Variants in ATP2A3 observed in about 807,000 individuals in gnomAD.
ATP2A3 encodes ATPase sarcoplasmic/endoplasmic reticulum Ca2+ transporting 3.
Under a neutral mutation model 106.8 loss-of-function variants are expected in ATP2A3, and 61 were observed. That is an observed-to-expected ratio of 0.57 (90% CI 0.46 to 0.71). The LOEUF is 0.71. ATP2A3 is among the 30% of genes least tolerant of loss of function. ATP2A3 has a pLI of 0.00. For missense variants in ATP2A3, 1,201 were observed against 1,423.5 expected (o/e 0.84, Z 2.52); for synonymous variants, 611 against 609.3 (o/e 1.00, Z -0.04).
intron 15 of ATP2A3, chr17:3,937,088 A>G (rs1440413997): frequency 4.7e-6 from 2 of 421,392 alleles, no homozygotes; most frequent in Non-Finnish European, 9.0e-6. Flanking sequence ...TCGCACACGG[A>G]CACACACACG....
chr17:3,939,984 G>T (rs567586564), intron 14 of ATP2A3, among the ~76,000 whole-genome samples: 76 of 149,296 alleles, frequency 5.1e-4, no homozygotes, highest in Non-Finnish European at 8.9e-4. Context: ...ACAGAGATGG[G>T]GAAGGCGTGT....
chr17:3,950,647 C>T (rs370938425), intron 6 of ATP2A3, 46 bp downstream of exon 6: 60 of 1,613,634 alleles, frequency 3.7e-5, no homozygotes, highest in Admixed American at 2.2e-4. Context: ...ACGCCCATCC[C>T]TTAGTCCTGG....
At chr17:3,957,421 C>G (rs571561424) in intron 1 of ATP2A3, among the ~76,000 whole-genome samples, 7 of 152,328 alleles carry the variant, frequency 4.6e-5, no homozygotes, top group Admixed American at 6.5e-5. Flanking sequence ...ATCTGAAAAC[C>G]CTTGGTGTCC....
Position 3,953,304 on chromosome 17 carries a change from GGGCTACCGACTACCACAGGATGGCT to G in ATP2A3, c.219+18_219+42del, listed in dbSNP as rs751298910. On this transcript the variant is annotated intron_variant, in intron 3 of 20. Transcript: ENST00000397041. This position sits in a 1 kb window ranked among gnomAD's most constrained non-coding sequence, Gnocchi z 5.1. ...ACTGCCCAGCCTGGCTCTCCCTCCAGGGCTACCGACTACCACAGGATGGCTGGCAGGGCCCTACTTACAAAGGAGA... is the reference window on the plus strand; with the variant it reads ...ACTGCCCAGCCTGGCTCTCCCTCCAGGGCAGGGCCCTACTTACAAAGGAGA... 1.2e-5 allele frequency: 20 copies of G among 1,601,556 alleles called. No homozygotes were observed. Among genetic ancestry groups the G allele is most frequent in the Non-Finnish European group, 1.6e-5 (19 of 1,169,038 alleles).
chr17:3,950,019 G>T (rs1405662586), intron 7 of ATP2A3, among the ~76,000 whole-genome samples: 1 of 151,636 alleles, frequency 6.6e-6, no homozygotes, highest in Non-Finnish European at 1.5e-5. Flanking sequence ...AAAATTAGCC[G>T]GGTGTGGTGG....
chr17:3,929,211 C>T lies in ATP2A3; in HGVS notation c.2862+117G>A. 1.0e-6 allele frequency: 1 copy of T among 996,162 alleles called. No individual in the cohort carries two copies. The allele number at this position is 996,162 out of a possible 1,614,324, so 61.7% of individuals were successfully genotyped here. A position where few individuals can be genotyped will look rare whatever the true frequency, so the allele number is the denominator to read the frequency against. ...CTGGAGGTGGTGGCTGGCCAGACCTCTCACCTCCCTCTCCTCCAGGTAGTT... is the reference window on the plus strand; with the variant it reads ...CTGGAGGTGGTGGCTGGCCAGACCTTTCACCTCCCTCTCCTCCAGGTAGTT... On this transcript the variant is annotated intron_variant, in intron 19 of 20. Coordinates refer to ENST00000397041, the MANE Select transcript of ATP2A3 (RefSeq NM_005173.4). This position sits in a 1 kb window ranked among gnomAD's most constrained non-coding sequence, Gnocchi z 4.3.
intron 1 of ATP2A3, among the ~76,000 whole-genome samples, chr17:3,959,419 C>G (rs576478925): frequency 1.4e-4 from 22 of 152,254 alleles, no homozygotes; most frequent in African/African-American, 3.9e-4. Flanking sequence ...ATGCTGAGTC[C>G]TTACAGTCAT....
intron 1 of ATP2A3, among the ~76,000 whole-genome samples, chr17:3,963,327 G>C (rs113507721): frequency 6.6e-6 from 1 of 152,252 alleles, no homozygotes; most frequent in African/African-American, 2.4e-5. Context: ...CATGAGCAAG[G>C]GGGTGGCAGG....
At position 3,925,384 on chromosome 17, in the gene ATP2A3, T is replaced by C; in HGVS notation, c.*38A>G. ...GGCGAACACATGGGCACCATCAGTC[T>C]GAGGTACACACCGGAGACTCCACTC... On this transcript the variant is annotated 3_prime_UTR_variant, in exon 21 of 21. Transcript: ENST00000397041. This position sits in a 1 kb window ranked among gnomAD's most constrained non-coding sequence, Gnocchi z 4.2. 1 of 1,613,878 alleles carries C rather than the reference T, an allele frequency of 6.2e-7. No homozygotes were observed. The highest frequency in any genetic ancestry group is 8.5e-7 in the Non-Finnish European group (1 of 1,179,924).
At chr17:3,957,820 G>A (rs1158859046) in intron 1 of ATP2A3, among the ~76,000 whole-genome samples, 1 of 152,214 alleles carries the variant, frequency 6.6e-6, no homozygotes, top group African/African-American at 2.4e-5. Context: ...ATGAGAGAGT[G>A]CCCTGGCTCT....
intron 5 of ATP2A3, 31 bp downstream of exon 5, chr17:3,951,220 A>G: frequency 7.5e-7 from 1 of 1,341,984 alleles, no homozygotes; most frequent in Non-Finnish European, 9.6e-7. Flanking sequence ...AATAAAATAA[A>G]ATAAAATAAA....
chr17:3,947,913 C>T lies in ATP2A3; in HGVS notation c.631-58G>A, dbSNP rs1172267810. 14 of 1,541,852 alleles carry T rather than the reference C, an allele frequency of 9.1e-6. No individual in the cohort carries two copies. The East Asian group carries it at 2.5e-4, about 27-fold the overall frequency. ...CAGCAGCCAACCAGGGGCCCAGGACCCCTGACTCCTTCAGGCCGGAATAAG... is the reference window on the plus strand; with the variant it reads ...CAGCAGCCAACCAGGGGCCCAGGACTCCTGACTCCTTCAGGCCGGAATAAG... On this transcript the variant is annotated intron_variant, in intron 7 of 20. Transcript: ENST00000397041. The surrounding 1 kb of genome is among the most constrained non-coding windows in gnomAD (Gnocchi z 7.7).
intron 13 of ATP2A3, 28 bp from the exon 14 acceptor site, chr17:3,941,334 G>A: frequency 3.1e-6 from 5 of 1,613,812 alleles, no homozygotes; most frequent in Non-Finnish European, 3.4e-6. Context: ...ATTCAAGCGG[G>A]GCCTGAGCCC....
rs1317782758 is a variant in ATP2A3 at position 3,926,122 on chromosome 17, C to T, written c.2981-681G>A. Among the ~76,000 whole-genome samples, 2 of 152,154 alleles carry T rather than the reference C, an allele frequency of 1.3e-5. No individual in the cohort carries two copies. Among genetic ancestry groups the T allele is most frequent in the Non-Finnish European group, 2.9e-5 (2 of 68,020 alleles). On this transcript the variant is annotated intron_variant, in intron 20 of 20. Coordinates refer to ENST00000397041, the MANE Select transcript of ATP2A3 (RefSeq NM_005173.4). The surrounding 1 kb of genome is among the most constrained non-coding windows in gnomAD (Gnocchi z 4.6). ...GGTGGGGTGAGAGGACCGCCCCCAG[C>T]CCCCAGGGCTGACCCAGGATCCAGA... is the stretch of plus-strand genomic sequence containing the variant.
At position 3,943,414 on chromosome 17, in the gene ATP2A3, C is replaced by T; in HGVS notation, c.1396G>A (p.Glu466Lys). The change falls in exon 11 of 21, where the codon GAG (glutamate) becomes AAG (lysine). Residue 466 changes from glutamate (E) to lysine (K), a missense_variant. Coordinates refer to ENST00000397041, the MANE Select transcript of ATP2A3 (RefSeq NM_005173.4). ...DTDLQALSRV[E>K]RAGACNTVIK... ...ACCGTGTTACAGGCGCCAGCTCGCT[C>T]CACCCGGGACAGAGCCTGCAGGTCG... 1 of 1,614,134 alleles carries T rather than the reference C, an allele frequency of 6.2e-7. No homozygotes were observed.
chr17:3,948,979 T>C (rs1028641157), intron 7 of ATP2A3, among the ~76,000 whole-genome samples: 10 of 151,840 alleles, frequency 6.6e-5, no homozygotes, highest in Non-Finnish European at 1.0e-4. Context: ...AATACAAAAA[T>C]TAGCTGGGCA....
At chr17:3,961,128 C>G (rs1463547382) in intron 1 of ATP2A3, among the ~76,000 whole-genome samples, 2 of 152,208 alleles carry the variant, frequency 1.3e-5, no homozygotes, top group African/African-American at 4.8e-5. Flanking sequence ...AAGATCACAG[C>G]TCCAGATGTG....
In ATP2A3 at chr17:3,953,513, G is replaced by A. The variant is rs1000666622; in HGVS notation, c.137-84C>T. 44 of 1,539,034 alleles carry A rather than the reference G, an allele frequency of 2.9e-5. No homozygotes were observed. Among genetic ancestry groups the A allele is most frequent in the Admixed American group, 2.1e-4 (12 of 58,470 alleles). Reference sequence around the variant, plus strand: ...GCTGGGATGGCCCGGGAGACCTCCCGGCCCATTCCCTCCCTGCACTCAGAA... The same window carrying A: ...GCTGGGATGGCCCGGGAGACCTCCCAGCCCATTCCCTCCCTGCACTCAGAA... On this transcript the variant is annotated intron_variant, in intron 2 of 20. Transcript: ENST00000397041. The surrounding 1 kb of genome is among the most constrained non-coding windows in gnomAD (Gnocchi z 5.1).
chr17:3,925,261 G>A lies in ATP2A3; in HGVS notation c.*161C>T, dbSNP rs1053221840. On this transcript the variant is annotated 3_prime_UTR_variant, in exon 21 of 21. Transcript: ENST00000397041. The surrounding 1 kb of genome is among the most constrained non-coding windows in gnomAD (Gnocchi z 4.2). ...GAAGTGGGGACAGAGACCCCAGGAC[G>A]GGGCCCGGGGATGGCCATTCTGACC... The A allele has an allele frequency of 4.1e-5, 49 of 1,189,150 alleles. No homozygotes were observed. In the Middle Eastern group the frequency reaches 7.6e-4, roughly 18 times the overall value. 73.7% of individuals were successfully genotyped at this position (1,189,150 alleles called of 1,614,324 possible).
Sources: allele counts gnomAD v4.1 joint callset (sites outside exome capture counted in the v4.1 genomes callset), GRCh38; gene constraint gnomAD v4.1.1; non-coding constraint Gnocchi (gnomAD v3.1); transcripts MANE v1.5; gene names NCBI Gene and HGNC (gene_info 2026-07-23, HGNC 2026-07-21).